The following TM2D1 variants were observed in gnomAD, a reference collection of about 807,000 sequenced individuals.
TM2D1 encodes TM2 domain containing 1.
In TM2D1, 15 loss-of-function variants were observed where a neutral mutation model predicts 28.4. The ratio of observed to expected loss-of-function variants is 0.53; its 90% CI spans 0.35 to 0.81. The LOEUF is 0.81. Ranked by LOEUF, TM2D1 falls within the 40% of genes least tolerant of loss-of-function variation. TM2D1 has a pLI of 0.01. For synonymous variants in TM2D1, 93 were observed against 96.2 expected, an observed-to-expected ratio of 0.97 and a Z score of 0.20; for missense variants, 236 against 254.9, an observed-to-expected ratio of 0.93 and a Z score of 0.50.
At chr1:61,683,798 C>T (rs1407130103) in intron 5 of TM2D1, 1 of 259,958 alleles carries the variant, frequency 3.8e-6, no homozygotes, top group Non-Finnish European at 7.2e-6. Flanking sequence ...AGGCCCTTGG[C>T]TTCCCTGCCT....
At chr1:61,714,412 G>A (rs112238901) in intron 2 of TM2D1, among the ~76,000 whole-genome samples, 4,498 of 151,972 alleles carry the variant, frequency 0.03, 109 homozygotes, top group African/African-American at 0.069. Flanking sequence ...ATGCTGGCCT[G>A]TGCCAGTAAT....
In TM2D1 at chr1:61,709,363, C is replaced by G. The variant is rs1644461497; in HGVS notation, c.313G>C (p.Val105Leu). ...GNETHFTGNEVGFFKPISCRN... is the reference protein window; with the variant it reads ...GNETHFTGNELGFFKPISCRN... ...CAAGATATGGGCTTGAAAAAACCAACTTCGTTCCCAGTAAAATGTGTTTCA... is the reference window on the plus strand; with the variant it reads ...CAAGATATGGGCTTGAAAAAACCAAGTTCGTTCCCAGTAAAATGTGTTTCA... Residue 105 changes from valine (V) to leucine (L), a missense_variant, in exon 3 of 7, where the codon GTT becomes CTT. Val to Leu is a conservative substitution (Grantham distance 32). Coordinates refer to ENST00000606498, the MANE Select transcript of TM2D1 (RefSeq NM_032027.3). 3.7e-6 allele frequency: 6 copies of G among 1,601,220 alleles called. No homozygotes were observed. The highest frequency in any genetic ancestry group is 5.1e-6 in the Non-Finnish European group (6 of 1,171,672).
chr1:61,682,657 T>C (rs1454355739), intron 6 of TM2D1, among the ~76,000 whole-genome samples: 1 of 152,050 alleles, frequency 6.6e-6, no homozygotes, highest in Non-Finnish European at 1.5e-5. Context: ...TCCAGCACTC[T>C]GGGAGGCCGA....
At chr1:61,701,466 G>A (rs1644401026) in intron 3 of TM2D1, among the ~76,000 whole-genome samples, 2 of 151,924 alleles carry the variant, frequency 1.3e-5, no homozygotes, top group South Asian at 4.2e-4. Flanking sequence ...ATGCTTCTGA[G>A]GAAAGAGTGT....
At chr1:61,687,706 G>GA (rs55941141) in intron 5 of TM2D1, among the ~76,000 whole-genome samples, 28 of 148,844 alleles carry the variant, frequency 1.9e-4, no homozygotes, top group African/African-American at 5.0e-4. Flanking sequence ...AGAAGTGAAA[G>GA]AAAAAAAAAA....
In TM2D1 at chr1:61,714,335, G is replaced by A. The variant is rs575226198; in HGVS notation, c.239-4898C>T. 9.9e-5 allele frequency among the ~76,000 whole-genome samples: 15 copies of A among 151,976 alleles called. No homozygotes were observed. In the East Asian group the frequency reaches 2.8e-3, roughly 28 times the overall value. The stretch of plus-strand genomic sequence containing the variant: ...AGGTGGGTGGATCACCAGGTCAGGA[G>A]TTCAAGACCAGCCTGGCCAACATGG... On this transcript the variant is annotated intron_variant, in intron 2 of 6. Coordinates refer to ENST00000606498, the MANE Select transcript of TM2D1 (RefSeq NM_032027.3).
intron 4 of TM2D1, chr1:61,699,566 T>C (rs2148047014): frequency 6.6e-6 from 1 of 152,428 alleles, no homozygotes. Context: ...CTATATGCTT[T>C]ACACATGCTG....
chr1:61,703,447 C>G (rs1279486870), intron 3 of TM2D1, among the ~76,000 whole-genome samples: 2 of 138,424 alleles, frequency 1.4e-5, no homozygotes, highest in East Asian at 4.2e-4. Context: ...GAGTCTCACT[C>G]TGTTGCCCAG....
intron 5 of TM2D1, among the ~76,000 whole-genome samples, chr1:61,687,706 GAA>G (rs55941141): frequency 6.7e-6 from 1 of 148,860 alleles, no homozygotes; most frequent in Non-Finnish European, 1.5e-5. Flanking sequence ...AGAAGTGAAA[GAA>G]AAAAAAAAGA....
chr1:61,721,684 T>C (rs1340853208), intron 2 of TM2D1, among the ~76,000 whole-genome samples: 2 of 152,078 alleles, frequency 1.3e-5, no homozygotes, highest in African/African-American at 4.8e-5. Flanking sequence ...ACTCACACTT[T>C]TCACAACTCT....
At chr1:61,691,932 A>AAAAAAAAAATATATATATATAT in intron 5 of TM2D1, among the ~76,000 whole-genome samples, 13 of 76,386 alleles carry the variant, frequency 1.7e-4, no homozygotes, top group Non-Finnish European at 3.1e-4. Flanking sequence ...AAAAAAAAAA[A>AAAAAAAAAATATATATATATAT]ATATATATAT....
intron 2 of TM2D1, among the ~76,000 whole-genome samples, chr1:61,717,819 A>G (rs1215834150): frequency 6.6e-6 from 1 of 152,044 alleles, no homozygotes; most frequent in African/African-American, 2.4e-5. Flanking sequence ...TTTCATAACA[A>G]TAAAAAAAAA....
At position 61,714,558 on chromosome 1, in the gene TM2D1, C is replaced by G. The variant is rs564658219; in HGVS notation, c.239-5121G>C. Among the ~76,000 whole-genome samples, 174 of 152,172 alleles carry G rather than the reference C, an allele frequency of 1.1e-3. No individual in the cohort carries two copies. In the Middle Eastern group the frequency reaches 0.037, roughly 33 times the overall value. ...TCTGTCCAAAAAAAACTAAAGAGCC[C>G]TTTCTTTCGCTTTATTTTTGTGGCA... On this transcript the variant is annotated intron_variant, in intron 2 of 6. Transcript: ENST00000606498.
At chr1:61,683,795 T>C in intron 5 of TM2D1, 1 of 262,358 alleles carries the variant, frequency 3.8e-6, no homozygotes, top group Non-Finnish European at 7.1e-6. Flanking sequence ...CTGAGGCCCT[T>C]GGCTTCCCTG....
At chr1:61,692,184 A>G (rs904630472) in intron 5 of TM2D1, among the ~76,000 whole-genome samples, 7 of 151,624 alleles carry the variant, frequency 4.6e-5, no homozygotes, top group Admixed American at 1.3e-4. Context: ...TTAGGAACAA[A>G]AGATAGAAAA....
intron 1 of TM2D1, among the ~76,000 whole-genome samples, chr1:61,724,707 G>T (rs1168927289): frequency 6.7e-6 from 1 of 150,102 alleles, no homozygotes; most frequent in Non-Finnish European, 1.5e-5. Flanking sequence ...TGATAAAAAA[G>T]AAAAAAAAAG....
chr1:61,712,393 A>G lies in TM2D1; in HGVS notation c.239-2956T>C, dbSNP rs142544049. On this transcript the variant is annotated intron_variant, in intron 2 of 6. Coordinates refer to ENST00000606498, the MANE Select transcript of TM2D1 (RefSeq NM_032027.3). ...TTTCAACATGAATTTAAATGGTTGGAAAAAATGTCATTTCCAGTTTGTTCA... is the reference window on the plus strand; with the variant it reads ...TTTCAACATGAATTTAAATGGTTGGGAAAAATGTCATTTCCAGTTTGTTCA... 3.9e-3 allele frequency among the ~76,000 whole-genome samples: 600 copies of G among 152,292 alleles called. 3 individuals are homozygous for G. The highest frequency in any genetic ancestry group is 0.014 in the African/African-American group (572 of 41,558).
intron 5 of TM2D1, among the ~76,000 whole-genome samples, chr1:61,690,710 T>C (rs1006664299): frequency 5.9e-5 from 9 of 152,158 alleles, no homozygotes; most frequent in East Asian, 1.9e-4. Context: ...ACTGGTACTA[T>C]AGCAGATTAA....
intron 5 of TM2D1, chr1:61,686,876 T>C: frequency 1.1e-6 from 1 of 939,026 alleles, no homozygotes; most frequent in Non-Finnish European, 1.3e-6. Context: ...TGAGTTATGA[T>C]CACGCCACTG....
Sources: gnomAD v4.1 joint callset for allele counts (sites outside exome capture counted in the v4.1 genomes callset) on GRCh38, gnomAD v4.1.1 for gene constraint, MANE v1.5 for transcripts, NCBI Gene and HGNC (gene_info 2026-07-23, HGNC 2026-07-21) for gene names.